The following PKN2 variants were observed in gnomAD, a reference collection of about 807,000 sequenced individuals.
The protein encoded by PKN2 is protein kinase N2.
PKN2 carries 38 observed loss-of-function variants against 119.1 expected under a neutral mutation model. That is an observed-to-expected ratio of 0.32 (90% CI 0.25 to 0.42). The LOEUF (loss-of-function observed/expected upper bound fraction) is 0.42, where lower values mean the gene tolerates loss of function less well. Ranked by LOEUF, PKN2 falls within the 10% of genes least tolerant of loss-of-function variation. PKN2 has a pLI of 1.00. For synonymous variants in PKN2, 390 were observed against 384.9 expected, an observed-to-expected ratio of 1.01 and a Z score of -0.15; for missense variants, 850 against 1,165.1, an observed-to-expected ratio of 0.73 and a Z score of 3.94.
intron 12 of PKN2, among the ~76,000 whole-genome samples, chr1:88,806,419 C>T (rs1283916610): frequency 1.3e-5 from 2 of 152,182 alleles, no homozygotes; most frequent in African/African-American, 4.8e-5. Flanking sequence ...ATCAGCCCGC[C>T]TCGGCCTTCC....
intron 10 of PKN2, 58 bp downstream of exon 10, chr1:88,804,979 C>T: frequency 3.6e-6 from 3 of 829,194 alleles, no homozygotes; most frequent in Non-Finnish European, 3.9e-6. Flanking sequence ...AATCTAATTA[C>T]CATTTAAAAA....
intron 8 of PKN2, among the ~76,000 whole-genome samples, chr1:88,795,130 T>G (rs1278496384): frequency 6.6e-6 from 1 of 152,232 alleles, no homozygotes; most frequent in Non-Finnish European, 1.5e-5. Flanking sequence ...GCTTTTGTTT[T>G]ATAGATTAGA....
In PKN2 at chr1:88,784,769, G is replaced by A. The variant is rs754076849; in HGVS notation, c.1116G>A (p.Thr372=). 7 of 1,612,068 alleles carry A rather than the reference G, an allele frequency of 4.3e-6. No homozygotes were observed. The highest frequency in any genetic ancestry group is 2.2e-5 in the South Asian group (2 of 90,842). ...SETRSSFMSR[T]SKSKSGSSRN... ...CCAGATCATCTTTCATGAGCAGAAC[G>A]AGTAAAAGTAAAAGCGGAAGTAGTC... The change falls in exon 7 of 22, where the codon ACG becomes ACA. Residue 372 remains threonine, a synonymous_variant. Transcript: ENST00000370521.
intron 1 of PKN2, among the ~76,000 whole-genome samples, chr1:88,710,808 G>A (rs1052323419): frequency 1.6e-4 from 25 of 152,084 alleles, no homozygotes; most frequent in Admixed American, 2.6e-4. Flanking sequence ...GTATATACCC[G>A]AAGGAATATA....
At chr1:88,819,811 T>G (rs1672172159) in intron 16 of PKN2, among the ~76,000 whole-genome samples, 2 of 152,086 alleles carry the variant, frequency 1.3e-5, no homozygotes, top group Non-Finnish European at 2.9e-5. Context: ...ATATACACCA[T>G]GAAATACTAT....
At chr1:88,767,064 A>C (rs1387176628) in intron 3 of PKN2, among the ~76,000 whole-genome samples, 16 of 152,178 alleles carry the variant, frequency 1.1e-4, no homozygotes, top group Non-Finnish European at 4.4e-5. Flanking sequence ...TTAATTGAAG[A>C]GAGTAATATT....
At chr1:88,830,980 A>G (rs1353914439) in intron 19 of PKN2, among the ~76,000 whole-genome samples, 1 of 152,060 alleles carries the variant, frequency 6.6e-6, no homozygotes, top group African/African-American at 2.4e-5. Context: ...TTGTAAACTC[A>G]CCGGATATAT....
At chr1:88,723,338 C>G (rs1667769939) in intron 1 of PKN2, among the ~76,000 whole-genome samples, 1 of 152,146 alleles carries the variant, frequency 6.6e-6, no homozygotes, top group Admixed American at 6.5e-5. Flanking sequence ...GTCTCAAACT[C>G]CTGACCTCAG....
intron 1 of PKN2, among the ~76,000 whole-genome samples, chr1:88,686,704 TTAAAGA>T (rs1173061465): frequency 2.0e-5 from 3 of 152,132 alleles, no homozygotes; most frequent in African/African-American, 4.8e-5. Context: ...ATATCAACAC[TTAAAGA>T]TAAATAGTCA....
chr1:88,828,524 T>A lies in PKN2; in HGVS notation c.2463T>A (p.Pro821=), dbSNP rs1279215459. ...GDRTSTFCGT[P]EFLAPEVLTE... ...GAACAAGCACATTTTGTGGCACTCC[T>A]GAATTTCTTGCCCCAGAAGTATTAA... Residue 821 remains proline, a synonymous_variant, in exon 19 of 22, where the codon CCT becomes CCA. Transcript: ENST00000370521. 1 of 1,612,728 alleles carries A rather than the reference T, an allele frequency of 6.2e-7. No homozygotes were observed. The highest frequency in any genetic ancestry group is 8.5e-7 in the Non-Finnish European group (1 of 1,178,810).
At chr1:88,802,272 G>T (rs979369667) in intron 8 of PKN2, among the ~76,000 whole-genome samples, 1 of 152,008 alleles carries the variant, frequency 6.6e-6, no homozygotes, top group Non-Finnish European at 1.5e-5. Flanking sequence ...CTAGCTTAAG[G>T]TCTGTGAGGT....
chr1:88,772,696 A>G (rs1160589837), intron 6 of PKN2, among the ~76,000 whole-genome samples: 1 of 152,180 alleles, frequency 6.6e-6, no homozygotes, highest in East Asian at 1.9e-4. Context: ...ATTCCTAGGA[A>G]TATAATTGCT....
Position 88,832,791 on chromosome 1 carries a change from A to G in PKN2, c.2610A>G (p.Val870=), listed in dbSNP as rs1325291992. Residue 870 remains valine (V), a synonymous_variant, in exon 20 of 22, where the codon GTA becomes GTG. Coordinates refer to ENST00000370521, the MANE Select transcript of PKN2 (RefSeq NM_006256.4). ...DDEEEVFDSI[V]NDEVRYPRFL... is the part of the protein sequence containing the mutation. ...AAGAGGAAGTTTTTGACAGTATTGT[A>G]AATGATGAAGTAAGGTATCCAAGGT... The G allele has an allele frequency of 1.9e-6, 3 of 1,604,632 alleles. No homozygotes were observed. The highest frequency in any genetic ancestry group is 2.6e-6 in the Non-Finnish European group (3 of 1,173,284).
At chr1:88,771,606 C>G (rs763814631) in intron 5 of PKN2, 40 bp downstream of exon 5, 1 of 1,573,802 alleles carries the variant, frequency 6.4e-7, no homozygotes, top group African/African-American at 1.4e-5. Context: ...TTAATAAATA[C>G]ATTATTCAAA....
At chr1:88,747,305 C>T (rs1007602887) in intron 2 of PKN2, among the ~76,000 whole-genome samples, 2 of 152,046 alleles carry the variant, frequency 1.3e-5, no homozygotes, top group Non-Finnish European at 2.9e-5. Flanking sequence ...GTGATAGATA[C>T]CTTAGCCTAA....
intron 1 of PKN2, among the ~76,000 whole-genome samples, chr1:88,703,615 G>T (rs919690022): frequency 1.3e-5 from 2 of 151,990 alleles, no homozygotes; most frequent in African/African-American, 4.8e-5. Flanking sequence ...GATATATTTT[G>T]TAATAAGCAT....
At position 88,760,381 on chromosome 1, in the gene PKN2, G is replaced by A. The variant is rs1279483719; in HGVS notation, c.504+5G>A. 1.4e-6 allele frequency: 2 copies of A among 1,465,264 alleles called. No individual in the cohort carries two copies. Among genetic ancestry groups the A allele is most frequent in the Admixed American group, 2.0e-5 (1 of 49,676 alleles). The allele number at this position is 1,465,264 out of a possible 1,614,324, so 90.8% of individuals were successfully genotyped here. A position where few individuals can be genotyped will look rare whatever the true frequency, so the allele number is the denominator to read the frequency against. ...TATTCAAATGGATCTTCAAAGGTAA[G>A]TGTAGTTAATAAATGTAACTATATA... On this transcript the variant is annotated splice_donor_5th_base_variant and intron_variant, in intron 3 of 21. Coordinates refer to ENST00000370521, the MANE Select transcript of PKN2 (RefSeq NM_006256.4).
intron 15 of PKN2, among the ~76,000 whole-genome samples, chr1:88,809,613 T>A (rs1292390622): frequency 3.9e-5 from 6 of 152,226 alleles, no homozygotes; most frequent in Admixed American, 2.6e-4. Flanking sequence ...CCATTACCTC[T>A]ACTGAAAATT....
intron 3 of PKN2, among the ~76,000 whole-genome samples, chr1:88,760,975 A>G (rs1669417767): frequency 6.6e-6 from 1 of 152,220 alleles, no homozygotes; most frequent in Admixed American, 6.5e-5. Context: ...TCCACATTAT[A>G]GACCACTCTC....
Sources: gnomAD v4.1 joint callset for allele counts (sites outside exome capture counted in the v4.1 genomes callset) on GRCh38, gnomAD v4.1.1 for gene constraint, MANE v1.5 for transcripts, NCBI Gene and HGNC (gene_info 2026-07-23, HGNC 2026-07-21) for gene names.